SETD3: variants seen among roughly 807,000 people sequenced by gnomAD.
SETD3 encodes SET domain containing 3, actin N3(tau)-histidine methyltransferase.
Under a neutral mutation model 63.0 loss-of-function variants are expected in SETD3, and 19 were observed. The ratio of observed to expected loss-of-function variants is 0.30; its 90% CI spans 0.21 to 0.44. SETD3 has a LOEUF of 0.44. Among genes scored for constraint, SETD3 ranks in the 20% least tolerant of loss-of-function variants. The pLI is 1.00. For synonymous variants in SETD3, 286 were observed against 264.1 expected (o/e 1.08, Z -0.80); for missense variants, 587 against 728.5 (o/e 0.81, Z 2.24).
chr14:99,427,141 AGC>A (rs1892926404), intron 6 of SETD3, among the ~76,000 whole-genome samples: 1 of 152,208 alleles, frequency 6.6e-6, no homozygotes, highest in Non-Finnish European at 1.5e-5. Context: ...TTAACCTTTT[AGC>A]TCGAAAAATA....
chr14:99,481,789 G>A (rs1034521367), upstream of SETD3, among the ~76,000 whole-genome samples: 10 of 152,242 alleles, frequency 6.6e-5, no homozygotes, highest in African/African-American at 2.4e-4. Flanking sequence ...AGGGGCAGCG[G>A]TGTTAACCGC....
At chr14:99,474,053 G>A (rs2139817250) in intron 1 of SETD3, among the ~76,000 whole-genome samples, 1 of 152,322 alleles carries the variant, frequency 6.6e-6, no homozygotes, top group Non-Finnish European at 1.5e-5. Flanking sequence ...AGGGGCAGTG[G>A]CTCACACCTG....
rs183383299 is a variant in SETD3 at position 99,434,480 on chromosome 14, G to A, written c.676-20546C>T. Among the ~76,000 whole-genome samples, 582 of 152,244 alleles carry A rather than the reference G, an allele frequency of 3.8e-3. 3 individuals carry two copies. Among genetic ancestry groups the A allele is most frequent in the African/African-American group, 0.013 (548 of 41,538 alleles). ...CTGACACGGGCGGGGCACTGACGGG[G>A]AAAAGACAGTGGGGAGTTTTCTAGG... is the stretch of plus-strand genomic sequence containing the variant. On this transcript the variant is annotated intron_variant, in intron 6 of 12. Transcript: ENST00000331768.
chr14:99,399,239 G>A, intron 12 of SETD3, 114 bp from the exon 13 acceptor site: 1 of 779,880 alleles, frequency 1.3e-6, no homozygotes, highest in Non-Finnish European at 2.1e-6. Flanking sequence ...GGTGACGGGA[G>A]GTTCTAACAC....
chr14:99,413,179 C>T, intron 7 of SETD3, 114 bp from the exon 8 acceptor site: 1 of 627,218 alleles, frequency 1.6e-6, no homozygotes, highest in Non-Finnish European at 2.9e-6. Flanking sequence ...AAAGTCTTTT[C>T]CTAAGTAACA....
At chr14:99,484,218 A>G (rs796607239), upstream of SETD3, among the ~76,000 whole-genome samples, 4 of 152,234 alleles carry the variant, frequency 2.6e-5, no homozygotes, top group South Asian at 2.1e-4. Context: ...GCTGCTTGCT[A>G]GCTGTGAATT....
Position 99,413,918 on chromosome 14 carries a change from T to C in SETD3, c.692A>G (p.Asn231Ser), listed in dbSNP as rs376178670. 1.8e-5 allele frequency: 29 copies of C among 1,614,150 alleles called. No homozygotes were observed. In the East Asian group the frequency reaches 2.9e-4, roughly 16 times the overall value. The change falls in exon 7 of 13, where the codon AAC (asparagine) becomes AGC (serine). Residue 231 changes from asparagine to serine, a missense_variant. Coordinates refer to ENST00000331768, the MANE Select transcript of SETD3 (RefSeq NM_032233.3). ...GAAAGAATCCTTCAAGGGTAGTTTGTTGGCATGAGGATGGGTCTGGGAATT... is the reference window on the plus strand; with the variant it reads ...GAAAGAATCCTTCAAGGGTAGTTTGCTGGCATGAGGATGGGTCTGGGAATT... ...YKVIQTHPHA[N>S]KLPLKDSFTY...
chr14:99,460,834 C>T (rs931511238), intron 4 of SETD3, among the ~76,000 whole-genome samples: 2 of 152,178 alleles, frequency 1.3e-5, no homozygotes, highest in African/African-American at 2.4e-5. Context: ...ATACCCACAC[C>T]GCCAGTCCTC....
intron 6 of SETD3, among the ~76,000 whole-genome samples, chr14:99,439,476 G>A (rs1307091064): frequency 6.6e-6 from 1 of 151,912 alleles, no homozygotes; most frequent in Non-Finnish European, 1.5e-5. Flanking sequence ...AGAAGGCAAG[G>A]ACCTCATGTT....
At chr14:99,461,574 T>C (rs894737071) in intron 3 of SETD3, among the ~76,000 whole-genome samples, 2 of 152,214 alleles carry the variant, frequency 1.3e-5, no homozygotes, top group Non-Finnish European at 2.9e-5. Context: ...ATACTGACAC[T>C]AGGTAATATA....
intron 8 of SETD3, among the ~76,000 whole-genome samples, chr14:99,407,983 G>C (rs1891779233): frequency 6.6e-6 from 1 of 152,190 alleles, no homozygotes; most frequent in Non-Finnish European, 1.5e-5. Context: ...CTGTCTTTTA[G>C]AGCAGCGCCC....
chr14:99,439,862 G>A (rs537669361), intron 6 of SETD3, among the ~76,000 whole-genome samples: 1 of 151,868 alleles, frequency 6.6e-6, no homozygotes, highest in Non-Finnish European at 1.5e-5. Context: ...CACAATCTTG[G>A]CTCACTGCAA....
At chr14:99,454,734 G>A (rs200006950) in intron 6 of SETD3, among the ~76,000 whole-genome samples, 1 of 145,746 alleles carries the variant, frequency 6.9e-6, no homozygotes, top group East Asian at 2.1e-4. Flanking sequence ...GGGAAGGAAG[G>A]CGCGGAGACC....
chr14:99,459,667 A>G (rs1185133685), intron 4 of SETD3, among the ~76,000 whole-genome samples: 1 of 152,230 alleles, frequency 6.6e-6, no homozygotes, highest in Non-Finnish European at 1.5e-5. Flanking sequence ...AAAGCACAAC[A>G]GTTACTAGTG....
At chr14:99,482,097 T>C (rs1043195044), upstream of SETD3, among the ~76,000 whole-genome samples, 1 of 152,242 alleles carries the variant, frequency 6.6e-6, no homozygotes, top group Admixed American at 6.5e-5. Context: ...CTAGAGGTTA[T>C]GTGACAGCTC....
rs143880322 is a variant in SETD3 at position 99,420,831 on chromosome 14, C to T, written c.676-6897G>A. Among the ~76,000 whole-genome samples, 1,063 of 149,820 alleles carry T rather than the reference C, an allele frequency of 7.1e-3. 8 individuals are homozygous for T. The highest frequency in any genetic ancestry group is 0.024 in the African/African-American group (985 of 40,630). On this transcript the variant is annotated intron_variant, in intron 6 of 12. Transcript: ENST00000331768. ...ATCTCGCCCCACCCCCAACTCACCC[C>T]GAACATGTAGCACACACCCTTCGAA... is the stretch of plus-strand genomic sequence containing the variant.
intron 1 of SETD3, among the ~76,000 whole-genome samples, chr14:99,479,345 T>C (rs990970566): frequency 6.6e-6 from 1 of 152,300 alleles, no homozygotes; most frequent in South Asian, 2.1e-4. Flanking sequence ...TTCACCAAAG[T>C]ATCAATCACG....
In SETD3 at chr14:99,461,453, C is replaced by T. The variant is rs182526479; in HGVS notation, c.197-113G>A. 9.0e-5 allele frequency: 95 copies of T among 1,057,440 alleles called. 1 individual carries two copies. The African/African-American group carries it at 9.9e-4, about 11-fold the overall frequency. 65.5% of individuals were successfully genotyped at this position (1,057,440 alleles called of 1,614,324 possible). A position where few individuals can be genotyped will look rare whatever the true frequency, so the allele number is the denominator to read the frequency against. Reference sequence around the variant, plus strand: ...ACTAACACTGGAAATAGTCTTAACACGCCAATCTTGAAATCAAAACTAATC... The same window carrying T: ...ACTAACACTGGAAATAGTCTTAACATGCCAATCTTGAAATCAAAACTAATC... On this transcript the variant is annotated intron_variant, in intron 3 of 12. Coordinates refer to ENST00000331768, the MANE Select transcript of SETD3 (RefSeq NM_032233.3).
intron 6 of SETD3, among the ~76,000 whole-genome samples, chr14:99,432,700 G>C (rs1738819874): frequency 6.6e-6 from 1 of 152,218 alleles, no homozygotes; most frequent in African/African-American, 2.4e-5. Context: ...AATGCCTCCA[G>C]TAGCAAACAC....
Sources: gnomAD v4.1 joint callset for allele counts (sites outside exome capture counted in the v4.1 genomes callset) on GRCh38, gnomAD v4.1.1 for gene constraint, MANE v1.5 for transcripts, NCBI Gene and HGNC (gene_info 2026-07-23, HGNC 2026-07-21) for gene names.